Variants in JAK1 observed in about 807,000 individuals in gnomAD.
The protein encoded by JAK1 is tyrosine-protein kinase JAK1.
A neutral mutation model predicts 136.6 loss-of-function variants in JAK1; 16 were observed. The ratio of observed to expected loss-of-function variants is 0.12; its 90% CI spans 0.08 to 0.18. The LOEUF is 0.18. Ranked by LOEUF, JAK1 falls within the 10% of genes least tolerant of loss-of-function variation. The pLI is 1.00. For missense variants in JAK1, 859 were observed against 1,450.1 expected (o/e 0.59, Z 6.62); for synonymous variants, 492 against 519.5 (o/e 0.95, Z 0.72).
chr1:64,918,848 A>C (rs1027201915), intron 1 of JAK1, among the ~76,000 whole-genome samples: 1 of 152,224 alleles, frequency 6.6e-6, no homozygotes, highest in East Asian at 1.9e-4. Context: ...TTGAAAAAAA[A>C]TCAATTACCT....
chr1:64,926,118 C>A (rs928763119), intron 1 of JAK1, among the ~76,000 whole-genome samples: 1 of 152,176 alleles, frequency 6.6e-6, no homozygotes, highest in Non-Finnish European at 1.5e-5. Context: ...CAGGACCACA[C>A]ATTCCCTGAT....
At chr1:64,924,197 A>G (rs910186704) in intron 1 of JAK1, among the ~76,000 whole-genome samples, 1 of 152,226 alleles carries the variant, frequency 6.6e-6, no homozygotes, top group African/African-American at 2.4e-5. Flanking sequence ...CAAACAAAAT[A>G]GTGTAGTATC....
chr1:65,043,561 T>C (rs1242189490), intron 2 of JAK1, among the ~76,000 whole-genome samples: 1 of 152,162 alleles, frequency 6.6e-6, no homozygotes, highest in Non-Finnish European at 1.5e-5. Flanking sequence ...TGAGACAAAG[T>C]CTTGCTCTGT....
chr1:64,883,214 C>T, intron 3 of JAK1, 63 bp downstream of exon 3: 1 of 1,382,278 alleles, frequency 7.2e-7, no homozygotes, highest in South Asian at 1.4e-5. Flanking sequence ...GGCAGAGACC[C>T]CCAGATCTTC....
rs556119681 is a variant in JAK1 at position 64,841,434 on chromosome 1, C to G, written c.2554+17G>C. 11 of 1,614,128 alleles carry G rather than the reference C, an allele frequency of 6.8e-6. No individual in the cohort carries two copies. The highest frequency in any genetic ancestry group is 4.0e-5 in the African/African-American group (3 of 75,044). On this transcript the variant is annotated intron_variant, in intron 18 of 24. Transcript: ENST00000342505. ...TTCTCCCCAAGCTGGGTTAAAGCAG[C>G]ACATGGCAGGTCTTACTCTGCTCTT...
intron 2 of JAK1, among the ~76,000 whole-genome samples, chr1:64,982,036 C>A (rs1235136251): frequency 2.0e-5 from 3 of 152,098 alleles, no homozygotes; most frequent in Non-Finnish European, 4.4e-5. Context: ...AGTTACTTAT[C>A]TGTACATATA....
intron 1 of JAK1, among the ~76,000 whole-genome samples, chr1:64,919,550 TC>T (rs1645460623): frequency 6.6e-6 from 1 of 152,190 alleles, no homozygotes; most frequent in African/African-American, 2.4e-5. Flanking sequence ...GATGGCTGGG[TC>T]AAATGATATT....
chr1:64,999,052 T>A (rs889009307), intron 2 of JAK1, among the ~76,000 whole-genome samples: 6 of 152,344 alleles, frequency 3.9e-5, no homozygotes, highest in Middle Eastern at 3.4e-3. Flanking sequence ...GATATTTCCC[T>A]TGTAAATCTT....
At chr1:64,938,835 T>C (rs971317069) in intron 1 of JAK1, among the ~76,000 whole-genome samples, 1 of 152,178 alleles carries the variant, frequency 6.6e-6, no homozygotes, top group Non-Finnish European at 1.5e-5. Context: ...AGCACCAGTG[T>C]CTCAGGAACT....
chr1:64,954,149 C>T (rs759105678), intron 1 of JAK1, among the ~76,000 whole-genome samples: 2 of 152,144 alleles, frequency 1.3e-5, no homozygotes, highest in Non-Finnish European at 2.9e-5. Flanking sequence ...GGACAAGTGA[C>T]AATCCAGGAG....
At chr1:64,898,292 G>A (rs938777515) in intron 1 of JAK1, among the ~76,000 whole-genome samples, 7 of 152,162 alleles carry the variant, frequency 4.6e-5, no homozygotes, top group African/African-American at 1.2e-4. Context: ...GCAAGTTCAC[G>A]GGGCTGCCCT....
At position 64,940,337 on chromosome 1, in the gene JAK1, G is replaced by C. The variant is rs370818963; in HGVS notation, c.-78+25996C>G. 6.1e-5 allele frequency among the ~76,000 whole-genome samples: 3 copies of C among 48,984 alleles called. No homozygotes were observed. The South Asian group carries it at 2.4e-3, about 40-fold the overall frequency. The allele number at this position is 48,984 out of a possible 152,430, so 32.1% of individuals were successfully genotyped here. A position where few individuals can be genotyped will look rare whatever the true frequency, so the allele number is the denominator to read the frequency against. ...TTCAATTTCTTTTTTTTTTTTTTTT[G>C]AGATAGTCTCACTCTGTTGCCCAGG... On this transcript the variant is annotated intron_variant, in intron 1 of 24. Coordinates refer to ENST00000342505, the MANE Select transcript of JAK1 (RefSeq NM_002227.4).
At chr1:64,850,677 AAAGTCTCCCTGTTCT>A in intron 12 of JAK1, 112 bp downstream of exon 12, 1 of 672,600 alleles carries the variant, frequency 1.5e-6, no homozygotes, top group Non-Finnish European at 2.7e-6. Context: ...CCATCAAAGG[AAAGTCTCCCTGTTCT>A]TTTTCTACTA....
intron 2 of JAK1, among the ~76,000 whole-genome samples, chr1:65,000,681 AAAAAGGTGACAAAGCATT>A (rs1327323315): frequency 2.0e-5 from 3 of 152,180 alleles, no homozygotes; most frequent in Non-Finnish European, 4.4e-5. Flanking sequence ...GATTCAAAGG[AAAAAGGTGACAAAGCATT>A]GTGTTCGATG....
At chr1:64,939,017 C>A (rs1455998939) in intron 1 of JAK1, among the ~76,000 whole-genome samples, 1 of 152,150 alleles carries the variant, frequency 6.6e-6, no homozygotes, top group Non-Finnish European at 1.5e-5. Context: ...ACTTTGTTGT[C>A]CAGGCTGGAG....
At chr1:64,837,228 C>T (rs1010113108) in intron 22 of JAK1, among the ~76,000 whole-genome samples, 3 of 152,174 alleles carry the variant, frequency 2.0e-5, no homozygotes, top group Non-Finnish European at 4.4e-5. Context: ...CCAGTACTGG[C>T]ACAAAGCAGG....
intron 22 of JAK1, among the ~76,000 whole-genome samples, chr1:64,836,653 A>C (rs1197758699): frequency 6.6e-6 from 1 of 152,046 alleles, no homozygotes; most frequent in Non-Finnish European, 1.5e-5. Flanking sequence ...CAAGCCAAAA[A>C]TGAAGGCATT....
chr1:64,921,457 C>T (rs1452470348), intron 1 of JAK1, among the ~76,000 whole-genome samples: 4 of 152,138 alleles, frequency 2.6e-5, no homozygotes, highest in African/African-American at 9.7e-5. Context: ...GTACAAAGCA[C>T]TTTCACATCT....
intron 2 of JAK1, chr1:64,992,387 A>T (rs1646665371): frequency 8.1e-6 from 1 of 123,924 alleles, no homozygotes; most frequent in African/African-American, 3.0e-5. Flanking sequence ...CTCAAAAAAT[A>T]AAAAATAAAA....
Sources: gnomAD v4.1 joint callset for allele counts (sites outside exome capture counted in the v4.1 genomes callset) on GRCh38, gnomAD v4.1.1 for gene constraint, MANE v1.5 for transcripts, NCBI Gene and HGNC (gene_info 2026-07-23, HGNC 2026-07-21) for gene names.